Variants in NRG3 observed in about 807,000 individuals in gnomAD.
The protein encoded by NRG3 is pro-neuregulin-3, membrane-bound isoform.
A neutral mutation model predicts 66.9 loss-of-function variants in NRG3; 31 were observed. That is an observed-to-expected ratio of 0.46 (90% CI 0.35 to 0.63). The LOEUF (loss-of-function observed/expected upper bound fraction) is 0.63. NRG3 is among the 20% of genes least tolerant of loss of function. The pLI is 0.00. For missense variants in NRG3, 910 were observed against 878.9 expected (o/e 1.04, Z -0.45); for synonymous variants, 393 against 359.4 (o/e 1.09, Z -1.06).
chr10:82,168,295 G>A (rs760942724), intron 1 of NRG3, among the ~76,000 whole-genome samples: 7 of 152,052 alleles, frequency 4.6e-5, no homozygotes, highest in Non-Finnish European at 1.0e-4. Flanking sequence ...CCGTGGGTAG[G>A]TGGCTGGGAA....
At chr10:81,984,200 C>A (rs930291388) in intron 1 of NRG3, among the ~76,000 whole-genome samples, 4 of 152,094 alleles carry the variant, frequency 2.6e-5, no homozygotes, top group African/African-American at 9.7e-5. Context: ...TCCAGAATTG[C>A]AAGATAATAA....
intron 4 of NRG3, among the ~76,000 whole-genome samples, chr10:82,917,966 G>GTATATATATATATA (rs1216370656): frequency 1.4e-3 from 127 of 91,760 alleles, no homozygotes; most frequent in South Asian, 3.8e-3. Flanking sequence ...GTGTGTGTGT[G>GTATATATATATATA]TGTGTATATA....
chr10:82,738,583 A>G lies in NRG3; in HGVS notation c.960A>G (p.Lys320=), dbSNP rs751023205. ...ATTTATCCCCTTTTCTCAGGTGCAA[A>G]GAAGGCTACCAAGGAGTCCGTTGTG... ...LTGSHKHCRC[K]EGYQGVRCDQ... is the part of the protein sequence containing the mutation. The change falls in exon 3 of 9, where the codon AAA becomes AAG. Residue 320 remains lysine, a synonymous_variant. Transcript: ENST00000372141. The G allele has an allele frequency of 1.9e-6, 3 of 1,613,932 alleles. No individual in the cohort carries two copies. The highest frequency in any genetic ancestry group is 3.3e-5 in the Admixed American group (2 of 60,006).
intron 1 of NRG3, among the ~76,000 whole-genome samples, chr10:82,085,404 C>A (rs1183383149): frequency 6.6e-6 from 1 of 151,992 alleles, no homozygotes. Flanking sequence ...CTGAGTAATT[C>A]ATAAAGAACA....
chr10:82,370,236 G>A (rs2084791567), intron 2 of NRG3, among the ~76,000 whole-genome samples: 1 of 138,234 alleles, frequency 7.2e-6, no homozygotes. Context: ...GCAAGGTTTT[G>A]TTGAGTGGTG....
chr10:82,373,862 T>C (rs1305803281), intron 2 of NRG3, among the ~76,000 whole-genome samples: 1 of 152,190 alleles, frequency 6.6e-6, no homozygotes, highest in Non-Finnish European at 1.5e-5. Context: ...GAAATAGTGA[T>C]TATTTTAATG....
In NRG3 at chr10:82,098,039, A is replaced by C. The variant is rs1024497968; in HGVS notation, c.823+221876A>C. Among the ~76,000 whole-genome samples, 98 of 131,142 alleles carry C rather than the reference A, an allele frequency of 7.5e-4. 1 individual carries two copies. The highest frequency in any genetic ancestry group is 1.4e-3 in the Non-Finnish European group (90 of 62,514). The allele number at this position is 131,142 out of a possible 152,430, so 86.0% of individuals were successfully genotyped here. A position where few individuals can be genotyped will look rare whatever the true frequency, so the allele number is the denominator to read the frequency against. ...TTATCCTATTGTGAGCTAACAATGT[A>C]GTCTGCCACATATATACACACACAC... On this transcript the variant is annotated intron_variant, in intron 1 of 8. Coordinates refer to ENST00000372141, the MANE Select transcript of NRG3 (RefSeq NM_001010848.4).
intron 3 of NRG3, among the ~76,000 whole-genome samples, chr10:82,782,510 A>G (rs1176167909): frequency 6.6e-6 from 1 of 152,138 alleles, no homozygotes; most frequent in African/African-American, 2.4e-5. Context: ...TACCTCAGCA[A>G]AAGACAAACT....
intron 1 of NRG3, among the ~76,000 whole-genome samples, chr10:82,035,995 A>G (rs1779312566): frequency 6.6e-6 from 1 of 152,088 alleles, no homozygotes; most frequent in Non-Finnish European, 1.5e-5. Context: ...CCAAGACTTT[A>G]TGCTGTTTCA....
intron 2 of NRG3, among the ~76,000 whole-genome samples, chr10:82,679,294 G>A (rs1406555101): frequency 2.0e-5 from 3 of 152,118 alleles, no homozygotes; most frequent in Non-Finnish European, 4.4e-5. Context: ...GCATTTCATA[G>A]CAGGTGGTAT....
chr10:82,677,119 G>A (rs1001157174), intron 2 of NRG3, among the ~76,000 whole-genome samples: 9 of 149,998 alleles, frequency 6.0e-5, no homozygotes, highest in Admixed American at 6.0e-4. Flanking sequence ...GGGCGCAGTG[G>A]CATGATCTCA....
chr10:82,687,182 T>C (rs185899783), intron 2 of NRG3, among the ~76,000 whole-genome samples: 1 of 152,350 alleles, frequency 6.6e-6, no homozygotes, highest in Non-Finnish European at 1.5e-5. Context: ...CAAGGCATAA[T>C]GGGCTTCAAA....
At chr10:82,262,765 A>G (rs923000259) in intron 1 of NRG3, among the ~76,000 whole-genome samples, 1 of 152,184 alleles carries the variant, frequency 6.6e-6, no homozygotes, top group African/African-American at 2.4e-5. Flanking sequence ...TGTGCCTTCT[A>G]TATGTGATCT....
intron 1 of NRG3, among the ~76,000 whole-genome samples, chr10:82,280,220 G>A (rs10884461): frequency 0.32 from 48,107 of 151,968 alleles, 7,849 homozygotes; most frequent in African/African-American, 0.37. Flanking sequence ...TTTAATGAAG[G>A]TGGAGCCATG....
At chr10:82,085,986 G>A (rs2065700466) in intron 1 of NRG3, among the ~76,000 whole-genome samples, 4 of 151,880 alleles carry the variant, frequency 2.6e-5, no homozygotes, top group Admixed American at 2.6e-4. Context: ...GTTGCACTGG[G>A]GATTAAATAT....
At chr10:82,507,366 T>C (rs1844781357) in intron 2 of NRG3, among the ~76,000 whole-genome samples, 1 of 152,164 alleles carries the variant, frequency 6.6e-6, no homozygotes, top group Admixed American at 6.5e-5. Flanking sequence ...CTTATGGGCA[T>C]GTTAGGCCCT....
intron 1 of NRG3, among the ~76,000 whole-genome samples, chr10:82,343,361 T>G (rs1589782368): frequency 6.6e-6 from 1 of 152,146 alleles, no homozygotes; most frequent in Middle Eastern, 3.4e-3. Flanking sequence ...GTGAAAGATC[T>G]CTACAAGCAA....
chr10:82,399,808 C>T (rs536746263), intron 2 of NRG3, among the ~76,000 whole-genome samples: 1 of 152,172 alleles, frequency 6.6e-6, no homozygotes, highest in Non-Finnish European at 1.5e-5. Context: ...TGAGCCAAAG[C>T]AGAATCACAG....
intron 4 of NRG3, among the ~76,000 whole-genome samples, chr10:82,945,759 C>G (rs1848961186): frequency 6.6e-6 from 1 of 152,178 alleles, no homozygotes; most frequent in Admixed American, 6.5e-5. Flanking sequence ...GGCCCCACTT[C>G]TTAGTACTGT....
Sources: gnomAD v4.1 joint callset for allele counts (sites outside exome capture counted in the v4.1 genomes callset) on GRCh38, gnomAD v4.1.1 for gene constraint, MANE v1.5 for transcripts, NCBI Gene and HGNC (gene_info 2026-07-23, HGNC 2026-07-21) for gene names.